The following PTPRD variants were observed in gnomAD, a reference collection of about 807,000 sequenced individuals.
PTPRD encodes receptor-type tyrosine-protein phosphatase delta.
A neutral mutation model predicts 214.5 loss-of-function variants in PTPRD; 34 were observed. The observed-to-expected ratio is 0.16, with a 90% confidence interval of 0.12 to 0.21. PTPRD has a LOEUF of 0.21. Ranked by LOEUF, PTPRD falls within the 10% of genes least tolerant of loss-of-function variation. PTPRD has a pLI of 1.00. For missense variants in PTPRD, 2,545 were observed against 2,398.7 expected, an observed-to-expected ratio of 1.06 and a Z score of -1.27; for synonymous variants, 1,128 against 845.7, an observed-to-expected ratio of 1.33 and a Z score of -5.79.
At chr9:10,053,869 G>A (rs917453735) in intron 3 of PTPRD, among the ~76,000 whole-genome samples, 1 of 151,916 alleles carries the variant, frequency 6.6e-6, no homozygotes. Context: ...AGAGAGTCTC[G>A]TGCCTCATCC....
intron 10 of PTPRD, among the ~76,000 whole-genome samples, chr9:9,089,574 T>C (rs1383150377): frequency 6.6e-6 from 1 of 152,214 alleles, no homozygotes; most frequent in Admixed American, 6.5e-5. Flanking sequence ...ATTGATTCCA[T>C]GTAGCAAAAC....
chr9:9,447,916 T>C (rs189396247), intron 8 of PTPRD, among the ~76,000 whole-genome samples: 3 of 152,028 alleles, frequency 2.0e-5, no homozygotes, highest in African/African-American at 2.4e-5. Flanking sequence ...GACTGAGTGA[T>C]GAAAGATCAA....
intron 5 of PTPRD, among the ~76,000 whole-genome samples, chr9:9,925,477 T>C (rs1031653095): frequency 6.6e-6 from 1 of 152,098 alleles, no homozygotes; most frequent in African/African-American, 2.4e-5. Context: ...TGAAGAGTGA[T>C]TTATGGTTTT....
In PTPRD at chr9:9,471,031, G is replaced by C. The variant is rs7851503; in HGVS notation, c.-236-73549C>G. Among the ~76,000 whole-genome samples the C allele has an allele frequency of 6.2e-3, 946 of 152,230 alleles. 4 individuals are homozygous for C. Among genetic ancestry groups the C allele is most frequent in the African/African-American group, 0.022 (913 of 41,540 alleles). ...CTATCAATTTCCATGGGAAATATCA[G>C]GTTGTAACATGCAGGTCTTGGGGTC... On this transcript the variant is annotated intron_variant, in intron 8 of 45. Coordinates refer to ENST00000381196, the MANE Select transcript of PTPRD (RefSeq NM_002839.4).
chr9:9,964,150 G>T (rs990535133), intron 4 of PTPRD, among the ~76,000 whole-genome samples: 1 of 126,558 alleles, frequency 7.9e-6, no homozygotes, highest in African/African-American at 2.5e-5. Flanking sequence ...AATATAACCA[G>T]AAAGATATCT....
At chr9:10,063,927 G>C (rs1182263051) in intron 3 of PTPRD, among the ~76,000 whole-genome samples, 1 of 152,090 alleles carries the variant, frequency 6.6e-6, no homozygotes, top group East Asian at 1.9e-4. Flanking sequence ...CTATTAGCCA[G>C]TATTATGACT....
At chr9:9,873,747 T>C (rs1328111566) in intron 5 of PTPRD, among the ~76,000 whole-genome samples, 1 of 152,198 alleles carries the variant, frequency 6.6e-6, no homozygotes, top group Non-Finnish European at 1.5e-5. Flanking sequence ...AATTAAAATA[T>C]TCTTTCTCCA....
intron 11 of PTPRD, among the ~76,000 whole-genome samples, chr9:8,747,287 A>C (rs2092929983): frequency 6.6e-6 from 1 of 152,188 alleles, no homozygotes; most frequent in African/African-American, 2.4e-5. Flanking sequence ...AATTAGGAAA[A>C]GGAAAAAGGA....
At chr9:8,322,553 C>G (rs1257403188) in intron 44 of PTPRD, among the ~76,000 whole-genome samples, 1 of 152,082 alleles carries the variant, frequency 6.6e-6, no homozygotes, top group Non-Finnish European at 1.5e-5. Context: ...TCTATGAAGG[C>G]TGGGAGGTGA....
intron 7 of PTPRD, among the ~76,000 whole-genome samples, chr9:9,640,657 A>C (rs2095910357): frequency 6.6e-6 from 1 of 152,232 alleles, no homozygotes; most frequent in Non-Finnish European, 1.5e-5. Context: ...GAGTTAGACA[A>C]TTACTTGAAA....
At chr9:8,375,012 G>C (rs544289169) in intron 39 of PTPRD, among the ~76,000 whole-genome samples, 4 of 151,826 alleles carry the variant, frequency 2.6e-5, no homozygotes, top group Non-Finnish European at 5.9e-5. Flanking sequence ...AGTGATTTAC[G>C]ATAGATGCTT....
intron 9 of PTPRD, among the ~76,000 whole-genome samples, chr9:9,195,110 A>G (rs1409571049): frequency 2.0e-5 from 3 of 148,826 alleles, no homozygotes; most frequent in Non-Finnish European, 3.0e-5. Context: ...ATATATATAC[A>G]CACACACACA....
At chr9:8,928,197 T>C (rs1206504759) in intron 11 of PTPRD, among the ~76,000 whole-genome samples, 1 of 152,218 alleles carries the variant, frequency 6.6e-6, no homozygotes, top group Non-Finnish European at 1.5e-5. Flanking sequence ...TCAGAAGCTC[T>C]TTAGTTTAAA....
At chr9:8,892,378 G>T (rs778539412) in intron 11 of PTPRD, among the ~76,000 whole-genome samples, 2 of 152,036 alleles carry the variant, frequency 1.3e-5, no homozygotes, top group African/African-American at 4.8e-5. Flanking sequence ...GGACTCCACA[G>T]AAATCCTTGC....
At chr9:9,287,675 T>C (rs2133937304) in intron 9 of PTPRD, among the ~76,000 whole-genome samples, 1 of 152,062 alleles carries the variant, frequency 6.6e-6, no homozygotes, top group East Asian at 2.0e-4. Flanking sequence ...TGAAACAGAT[T>C]TATATTTAAA....
intron 33 of PTPRD, among the ~76,000 whole-genome samples, chr9:8,452,098 T>C (rs1025054221): frequency 6.6e-6 from 1 of 152,210 alleles, no homozygotes; most frequent in Non-Finnish European, 1.5e-5. Flanking sequence ...AATTCACAAT[T>C]TGAATGAACA....
chr9:9,063,805 A>G (rs1054599738), intron 10 of PTPRD, among the ~76,000 whole-genome samples: 2 of 152,222 alleles, frequency 1.3e-5, no homozygotes, highest in African/African-American at 2.4e-5. Flanking sequence ...GAATCAGATC[A>G]ATAGAAAGTA....
At chr9:8,960,373 A>G (rs982298699) in intron 11 of PTPRD, among the ~76,000 whole-genome samples, 3 of 151,966 alleles carry the variant, frequency 2.0e-5, no homozygotes, top group Admixed American at 2.0e-4. Context: ...ATACTTAGGA[A>G]CCTCTGGTAT....
chr9:10,289,257 C>A (rs758923159), intron 3 of PTPRD, among the ~76,000 whole-genome samples: 1 of 152,102 alleles, frequency 6.6e-6, no homozygotes, highest in South Asian at 2.1e-4. Flanking sequence ...TATTTATTAA[C>A]AGGATCTATG....
Sources: gnomAD v4.1 joint callset for allele counts (sites outside exome capture counted in the v4.1 genomes callset) on GRCh38, gnomAD v4.1.1 for gene constraint, MANE v1.5 for transcripts, NCBI Gene and HGNC (gene_info 2026-07-23, HGNC 2026-07-21) for gene names.